Variants in KLF3 observed in about 807,000 individuals in gnomAD.
KLF3 encodes KLF transcription factor 3.
KLF3 carries 6 observed loss-of-function variants against 32.7 expected under a neutral mutation model. That is an observed-to-expected ratio of 0.18 (90% CI 0.10 to 0.36). The LOEUF (loss-of-function observed/expected upper bound fraction) is 0.36. KLF3 is among the 10% of genes least tolerant of loss of function. KLF3 has a pLI of 1.00. For missense variants in KLF3, 338 were observed against 449.7 expected, an observed-to-expected ratio of 0.75 and a Z score of 2.25; for synonymous variants, 145 against 172.8, an observed-to-expected ratio of 0.84 and a Z score of 1.26.
Position 38,667,156 on chromosome 4 carries a change from C to G in KLF3, c.-40+2695C>G, listed in dbSNP as rs78502367. 8.5e-4 allele frequency among the ~76,000 whole-genome samples: 130 copies of G among 152,310 alleles called. 7 individuals carry two copies. In the East Asian group the frequency reaches 0.024, roughly 29 times the overall value. On this transcript the variant is annotated intron_variant, in intron 1 of 5. Transcript: ENST00000261438. ...CCCGTAGAACAAACACCTCCACCCC[C>G]CTGTTGTTGTCTTAAAAAACTCCAG...
chr4:38,693,119 T>TATAC (rs1722932111), intron 4 of KLF3, among the ~76,000 whole-genome samples: 2 of 132,540 alleles, frequency 1.5e-5, no homozygotes, highest in African/African-American at 5.7e-5. Context: ...TATATATACA[T>TATAC]ATATATATAC....
chr4:38,670,171 A>C (rs1722161080), intron 1 of KLF3, among the ~76,000 whole-genome samples: 1 of 152,190 alleles, frequency 6.6e-6, no homozygotes, highest in Non-Finnish European at 1.5e-5. Flanking sequence ...GAAGAGAGCA[A>C]GTTAAGTGGC....
Position 38,680,612 on chromosome 4 carries a change from G to T in KLF3, c.-14G>T. On this transcript the variant is annotated 5_prime_UTR_variant, in exon 2 of 6. Coordinates refer to ENST00000261438, the MANE Select transcript of KLF3 (RefSeq NM_016531.6). ...GCCAAACACCAGAGCACCCTAGAAG[G>T]TTTAACTAAAAGAATGCTCATGTTT... The T allele has an allele frequency of 6.2e-7, 1 of 1,609,432 alleles. No individual in the cohort carries two copies. The highest frequency in any genetic ancestry group is 8.5e-7 in the Non-Finnish European group (1 of 1,175,812).
At chr4:38,687,486 A>G (rs940650449) in intron 2 of KLF3, among the ~76,000 whole-genome samples, 3 of 152,256 alleles carry the variant, frequency 2.0e-5, no homozygotes, top group Admixed American at 1.3e-4. Context: ...AAGTTAGGTT[A>G]TCCTGATATT....
At position 38,688,284 on chromosome 4, in the gene KLF3, G is replaced by C. The variant is rs1056117605; in HGVS notation, c.58-301G>C. On this transcript the variant is annotated intron_variant, in intron 2 of 5. Coordinates refer to ENST00000261438, the MANE Select transcript of KLF3 (RefSeq NM_016531.6). This position sits in a 1 kb window ranked among gnomAD's most constrained non-coding sequence, Gnocchi z 4.9. ...TATCACCTGTCTTAGAATTTTGCCA[G>C]GTATCGGCCTTAATGTTTGACACAG... is the stretch of plus-strand genomic sequence containing the variant. Among the ~76,000 whole-genome samples the C allele has an allele frequency of 2.0e-5, 3 of 152,106 alleles. No homozygotes were observed. The highest frequency in any genetic ancestry group is 7.2e-5 in the African/African-American group (3 of 41,406).
chr4:38,692,066 G>A (rs886542039), intron 4 of KLF3, among the ~76,000 whole-genome samples: 1 of 152,102 alleles, frequency 6.6e-6, no homozygotes, highest in Non-Finnish European at 1.5e-5. Context: ...TTTACAAAAA[G>A]ATTTCTTTGT....
At chr4:38,685,549 T>A (rs1426540427) in intron 2 of KLF3, among the ~76,000 whole-genome samples, 1 of 152,130 alleles carries the variant, frequency 6.6e-6, no homozygotes, top group African/African-American at 2.4e-5. Context: ...GGTTCTAAAT[T>A]CCTACTCTCC....
intron 4 of KLF3, among the ~76,000 whole-genome samples, chr4:38,692,104 C>T (rs1458682291): frequency 6.6e-6 from 1 of 152,126 alleles, no homozygotes; most frequent in African/African-American, 2.4e-5. Context: ...ATATTTAGAA[C>T]AAAAAGCATA....
At chr4:38,681,694 A>G (rs1722528921) in intron 2 of KLF3, among the ~76,000 whole-genome samples, 1 of 152,274 alleles carries the variant, frequency 6.6e-6, no homozygotes, top group African/African-American at 2.4e-5. Context: ...TAACAAGGCA[A>G]TGCTCCCACT....
intron 5 of KLF3, among the ~76,000 whole-genome samples, chr4:38,695,132 A>G (rs1723009952): frequency 6.6e-6 from 1 of 152,218 alleles, no homozygotes; most frequent in Non-Finnish European, 1.5e-5. Flanking sequence ...GCCACTCACA[A>G]TCACTTGCAG....
chr4:38,686,041 T>C (rs1722685756), intron 2 of KLF3, among the ~76,000 whole-genome samples: 1 of 152,178 alleles, frequency 6.6e-6, no homozygotes, highest in South Asian at 2.1e-4. Flanking sequence ...TAAAGAAAGG[T>C]AGAGAATCTT....
chr4:38,675,799 G>A (rs1285581738), intron 1 of KLF3, among the ~76,000 whole-genome samples: 4 of 152,176 alleles, frequency 2.6e-5, no homozygotes, highest in Non-Finnish European at 2.9e-5. Context: ...CATTCTTTCA[G>A]AATGGTAATA....
chr4:38,686,214 G>A (rs919949920), intron 2 of KLF3, among the ~76,000 whole-genome samples: 2 of 151,990 alleles, frequency 1.3e-5, no homozygotes, highest in South Asian at 4.2e-4. Flanking sequence ...GGAGGTTGAG[G>A]CAGGCAGATC....
chr4:38,675,541 G>A (rs574098036), intron 1 of KLF3, among the ~76,000 whole-genome samples: 1 of 152,024 alleles, frequency 6.6e-6, no homozygotes, highest in Non-Finnish European at 1.5e-5. Context: ...GAAAATAGTC[G>A]TCAGAAAAAA....
chr4:38,676,207 G>A (rs767697458), intron 1 of KLF3, among the ~76,000 whole-genome samples: 2 of 152,282 alleles, frequency 1.3e-5, no homozygotes, highest in African/African-American at 2.4e-5. Context: ...TTGGGAGGCT[G>A]AGGCAGGCAG....
At chr4:38,689,101 C>A in intron 3 of KLF3, 30 bp downstream of exon 3, 1 of 1,607,646 alleles carries the variant, frequency 6.2e-7, no homozygotes. Context: ...CATGCTGCTG[C>A]ACTTGCTTAG....
At chr4:38,668,129 T>G (rs1243373023) in intron 1 of KLF3, among the ~76,000 whole-genome samples, 1 of 152,234 alleles carries the variant, frequency 6.6e-6, no homozygotes, top group Non-Finnish European at 1.5e-5. Context: ...AGAAGAATGC[T>G]CTTCTCATTT....
chr4:38,693,075 T>TAC, intron 4 of KLF3, among the ~76,000 whole-genome samples: 1 of 142,464 alleles, frequency 7.0e-6, no homozygotes, highest in East Asian at 2.0e-4. Context: ...TGTATATATA[T>TAC]ACACATATAT....
rs773018621 is a variant in KLF3 at position 38,697,192 on chromosome 4, C to G, written c.967C>G (p.Pro323Ala). Residue 323 changes from proline to alanine, a missense_variant, in exon 6 of 6, where the codon CCG (proline) becomes GCG (alanine). Transcript: ENST00000261438. ...KHTGIKPFQCPDCDRSFSRSD... is the reference protein window; with the variant it reads ...KHTGIKPFQCADCDRSFSRSD... ...TACTGGAATCAAACCTTTCCAGTGC[C>G]CGGACTGTGACCGCAGCTTCTCCCG... 1.9e-6 allele frequency: 3 copies of G among 1,614,104 alleles called. No individual in the cohort carries two copies. The highest frequency in any genetic ancestry group is 2.5e-6 in the Non-Finnish European group (3 of 1,179,998).
Sources: gnomAD v4.1 joint callset for allele counts (sites outside exome capture counted in the v4.1 genomes callset) on GRCh38, gnomAD v4.1.1 for gene constraint, Gnocchi (gnomAD v3.1) non-coding constraint, MANE v1.5 for transcripts, NCBI Gene and HGNC (gene_info 2026-07-23, HGNC 2026-07-21) for gene names.